Variants in NAALADL2 observed in about 807,000 individuals in gnomAD.
NAALADL2 encodes the protein N-acetylated alpha-linked acidic dipeptidase like 2, also known as inactive N-acetylated-alpha-linked acidic dipeptidase-like protein 2.
Under a neutral mutation model 87.2 loss-of-function variants are expected in NAALADL2, and 76 were observed. The ratio of observed to expected loss-of-function variants is 0.87; its 90% CI spans 0.72 to 1.05. The LOEUF (loss-of-function observed/expected upper bound fraction) is 1.05. NAALADL2 is among the 50% of genes least tolerant of loss of function. The probability of loss-of-function intolerance (pLI) is 0.00; values close to 1 mark genes in which losing one functional copy is unlikely to be tolerated. For missense variants in NAALADL2, 1,089 were observed against 945.8 expected (o/e 1.15, Z -1.99); for synonymous variants, 354 against 331.0 (o/e 1.07, Z -0.75).
intron 2 of NAALADL2, among the ~76,000 whole-genome samples, chr3:174,553,530 A>C (rs879010008): frequency 1.3e-5 from 2 of 152,184 alleles, no homozygotes; most frequent in Admixed American, 1.3e-4. Context: ...GCTTAATGTA[A>C]ATGCATGTGC....
intron 1 of NAALADL2, among the ~76,000 whole-genome samples, chr3:175,093,414 T>TATATGTATA (rs1553771396): frequency 1.7e-5 from 2 of 117,732 alleles, no homozygotes; most frequent in Admixed American, 1.6e-4. Context: ...CATTTTATTT[T>TATATGTATA]TTTATATATA....
chr3:174,481,213 A>T (rs1307917166), intron 1 of NAALADL2, among the ~76,000 whole-genome samples: 1 of 152,124 alleles, frequency 6.6e-6, no homozygotes, highest in South Asian at 2.1e-4. Context: ...AGAGGAGTGC[A>T]ATAGCATTAG....
intron 9 of NAALADL2, among the ~76,000 whole-genome samples, chr3:175,542,525 G>A (rs866689406): frequency 2.6e-5 from 4 of 152,084 alleles, no homozygotes; most frequent in South Asian, 2.1e-4. Flanking sequence ...AATGAATGAC[G>A]TATTTTCTTT....
intron 2 of NAALADL2, among the ~76,000 whole-genome samples, chr3:174,697,000 G>T (rs946344033): frequency 2.0e-5 from 3 of 151,952 alleles, no homozygotes; most frequent in Admixed American, 1.3e-4. Context: ...CATACAAAAA[G>T]AAATATTGTA....
intron 2 of NAALADL2, among the ~76,000 whole-genome samples, chr3:175,185,831 CA>C: frequency 6.6e-6 from 1 of 151,038 alleles, no homozygotes; most frequent in South Asian, 2.1e-4. Flanking sequence ...TATAAATAGC[CA>C]AAAAACAAGC....
At chr3:175,015,885 A>G (rs1036354693) in intron 1 of NAALADL2, among the ~76,000 whole-genome samples, 1 of 152,022 alleles carries the variant, frequency 6.6e-6, no homozygotes, top group African/African-American at 2.4e-5. Context: ...TATCATTGTA[A>G]CATTAAAAAT....
chr3:175,048,139 T>C (rs544944895), intron 1 of NAALADL2, among the ~76,000 whole-genome samples: 2 of 152,340 alleles, frequency 1.3e-5, no homozygotes, highest in African/African-American at 4.8e-5. Context: ...CTACATTTTT[T>C]ATTTCACTTC....
chr3:175,119,859 AGT>A (rs1420607316), intron 2 of NAALADL2, among the ~76,000 whole-genome samples: 2 of 139,726 alleles, frequency 1.4e-5, no homozygotes, highest in Non-Finnish European at 1.5e-5. Context: ...AGCTTATGTA[AGT>A]GTGTATGTGT....
At chr3:175,049,989 T>TC (rs1401892718) in intron 1 of NAALADL2, among the ~76,000 whole-genome samples, 6 of 152,306 alleles carry the variant, frequency 3.9e-5, no homozygotes, top group Admixed American at 1.3e-4. Flanking sequence ...ACATTTTTTT[T>TC]CCATGTCTGC....
At chr3:175,665,518 A>G (rs555960705) in intron 11 of NAALADL2, among the ~76,000 whole-genome samples, 1 of 152,320 alleles carries the variant, frequency 6.6e-6, no homozygotes, top group South Asian at 2.1e-4. Context: ...TTTCTGCATT[A>G]CCATCCATTT....
chr3:174,669,219 T>G (rs1726280658), intron 2 of NAALADL2, among the ~76,000 whole-genome samples: 1 of 151,786 alleles, frequency 6.6e-6, no homozygotes, highest in Non-Finnish European at 1.5e-5. Flanking sequence ...AAATGTCTTC[T>G]TTTGAGAAGT....
intron 1 of NAALADL2, among the ~76,000 whole-genome samples, chr3:175,031,985 T>A (rs552232160): frequency 6.6e-6 from 1 of 152,056 alleles, no homozygotes; most frequent in African/African-American, 2.4e-5. Context: ...TATTAATGTG[T>A]TTAAGCTTCT....
At chr3:174,959,446 T>C (rs1389938487) in intron 1 of NAALADL2, among the ~76,000 whole-genome samples, 1 of 151,970 alleles carries the variant, frequency 6.6e-6, no homozygotes, top group African/African-American at 2.4e-5. Context: ...TGGTGATTGT[T>C]CTGAGGAGTT....
chr3:175,627,213 T>C (rs1251526558), intron 10 of NAALADL2, 78 bp from the exon 11 acceptor site: 1 of 1,202,454 alleles, frequency 8.3e-7, no homozygotes, highest in African/African-American at 1.5e-5. Flanking sequence ...CTTTTTAATC[T>C]TTAAGGAAAA....
intron 5 of NAALADL2, among the ~76,000 whole-genome samples, chr3:175,442,720 T>A (rs2149207585): frequency 6.6e-6 from 1 of 152,318 alleles, no homozygotes; most frequent in South Asian, 2.1e-4. Flanking sequence ...TGAGTCTTTA[T>A]CTGGATTACA....
At chr3:174,804,996 CT>C (rs1719295042) in intron 3 of NAALADL2, among the ~76,000 whole-genome samples, 1 of 151,948 alleles carries the variant, frequency 6.6e-6, no homozygotes, top group Admixed American at 6.6e-5. Context: ...TCTGTTTTTC[CT>C]TTTTTTCCTT....
chr3:175,550,551 T>C (rs1714167365), intron 9 of NAALADL2, among the ~76,000 whole-genome samples: 1 of 152,202 alleles, frequency 6.6e-6, no homozygotes, highest in African/African-American at 2.4e-5. Flanking sequence ...TTGTTAAGGA[T>C]ACTGATTGGT....
chr3:174,982,255 T>C (rs578205724), intron 1 of NAALADL2, among the ~76,000 whole-genome samples: 1 of 152,272 alleles, frequency 6.6e-6, no homozygotes, highest in Admixed American at 6.5e-5. Flanking sequence ...AACAATTTAC[T>C]GAGTATCTAC....
chr3:175,442,703 G>A (rs1420564091), intron 5 of NAALADL2, among the ~76,000 whole-genome samples: 1 of 152,150 alleles, frequency 6.6e-6, no homozygotes, highest in African/African-American at 2.4e-5. Context: ...GACGTAATGG[G>A]TCTGTTTGAG....
Sources: gnomAD v4.1 joint callset for allele counts (sites outside exome capture counted in the v4.1 genomes callset) on GRCh38, gnomAD v4.1.1 for gene constraint, MANE v1.5 for transcripts, NCBI Gene and HGNC (gene_info 2026-07-23, HGNC 2026-07-21) for gene names.